Variants in ZNF616 observed in about 807,000 individuals in gnomAD.
The protein encoded by ZNF616 is zinc finger protein 616.
A neutral mutation model predicts 7.6 loss-of-function variants in ZNF616; 5 were observed. The ratio of observed to expected loss-of-function variants is 0.66; its 90% CI spans 0.34 to 1.38. ZNF616 has a LOEUF of 1.38. ZNF616 is among the 40% of genes most tolerant of loss of function. The pLI is 0.04. For missense variants in ZNF616, 913 were observed against 948.3 expected (o/e 0.96, Z 0.49); for synonymous variants, 319 against 317.2 (o/e 1.01, Z -0.06).
intron 1 of ZNF616, among the ~76,000 whole-genome samples, chr19:52,136,094 C>A (rs2089004362): frequency 1.4e-5 from 2 of 140,334 alleles, no homozygotes; most frequent in African/African-American, 2.7e-5. Context: ...GGCGCCCCTG[C>A]ACTCCAGTCT....
Position 52,121,490 on chromosome 19 carries a change from A to G in ZNF616, c.139+2433T>C, listed in dbSNP as rs189880220. Among the ~76,000 whole-genome samples the G allele has an allele frequency of 4.6e-5, 7 of 152,366 alleles. No individual in the cohort carries two copies. In the East Asian group the frequency reaches 5.8e-4, roughly 13 times the overall value. The stretch of plus-strand genomic sequence containing the variant: ...TCAAAACAAAGGAAAATGAAAATAG[A>G]ACATGCCAAAACTTATGTATGCACA... On this transcript the variant is annotated intron_variant, in intron 3 of 3. Coordinates refer to ENST00000600228, the MANE Select transcript of ZNF616 (RefSeq NM_178523.5).
At position 52,115,581 on chromosome 19, in the gene ZNF616, T is replaced by C. The variant is rs1464438691; in HGVS notation, c.1583A>G (p.Lys528Arg). 1 of 1,614,212 alleles carries C rather than the reference T, an allele frequency of 6.2e-7. No homozygotes were observed. Among genetic ancestry groups the C allele is most frequent in the South Asian group, 1.1e-5 (1 of 91,088 alleles). The change falls in exon 4 of 4, where the codon AAG (lysine) becomes AGG (arginine). Residue 528 changes from lysine (K) to arginine (R), a missense_variant. Coordinates refer to ENST00000600228, the MANE Select transcript of ZNF616 (RefSeq NM_178523.5). ...EKPYKCKECG[K>R]VFSDRSAFAR... ...AAAAGCTGAACGGTCACTGAAGACC[T>C]TGCCACATTCTTTGCATTTGTAAGG...
intron 2 of ZNF616, among the ~76,000 whole-genome samples, chr19:52,127,708 C>T (rs963658052): frequency 3.3e-5 from 5 of 152,106 alleles, no homozygotes; most frequent in Non-Finnish European, 5.9e-5. Context: ...CTGAAGGAAC[C>T]CTCAAACACC....
Position 52,115,597 on chromosome 19 carries a change from A to G in ZNF616, c.1567T>C (p.Cys523Arg). ...CTGAAGACCTTGCCACATTCTTTGCATTTGTAAGGTTTCTCTCCAGTATGA... is the reference window on the plus strand; with the variant it reads ...CTGAAGACCTTGCCACATTCTTTGCGTTTGTAAGGTTTCTCTCCAGTATGA... ...RIHTGEKPYK[C>R]KECGKVFSDR... The change falls in exon 4 of 4, where the codon TGC (cysteine) becomes CGC (arginine). Residue 523 changes from cysteine to arginine, a missense_variant. Physicochemically the swap from Cys to Arg is radical, Grantham distance 180 (BLOSUM62 -3). Transcript: ENST00000600228. 2 of 1,613,936 alleles carry G rather than the reference A, an allele frequency of 1.2e-6. No individual in the cohort carries two copies. Among genetic ancestry groups the G allele is most frequent in the Non-Finnish European group, 8.5e-7 (1 of 1,179,980 alleles).
At chr19:52,127,505 C>T (rs942218830) in intron 2 of ZNF616, among the ~76,000 whole-genome samples, 20 of 152,050 alleles carry the variant, frequency 1.3e-4, no homozygotes, top group Non-Finnish European at 2.6e-4. Context: ...TAATCTACAA[C>T]AAGATATACA....
intron 1 of ZNF616, among the ~76,000 whole-genome samples, chr19:52,137,029 G>A (rs2089015324): frequency 6.9e-6 from 1 of 145,236 alleles, no homozygotes. Flanking sequence ...AAGAAAATGT[G>A]TGTGTATATA....
Position 52,114,750 on chromosome 19 carries a change from A to C in ZNF616, c.*68T>G, listed in dbSNP as rs2088799756. ...ACAATTCCACAGGGATTTCAAGAGA[A>C]GGGGTAAATATACAAGGTATATCAG... On this transcript the variant is annotated 3_prime_UTR_variant, in exon 4 of 4. Coordinates refer to ENST00000600228, the MANE Select transcript of ZNF616 (RefSeq NM_178523.5). 1.3e-6 allele frequency: 2 copies of C among 1,489,426 alleles called. No individual in the cohort carries two copies. Among genetic ancestry groups the C allele is most frequent in the East Asian group, 4.6e-5 (2 of 43,848 alleles). The allele number at this position is 1,489,426 out of a possible 1,614,324, so 92.3% of individuals were successfully genotyped here.
intron 2 of ZNF616, among the ~76,000 whole-genome samples, chr19:52,129,485 AGC>A (rs2088939026): frequency 6.6e-6 from 1 of 152,194 alleles, no homozygotes; most frequent in Non-Finnish European, 1.5e-5. Flanking sequence ...ACAAATGTTC[AGC>A]TCTTACATCT....
intron 3 of ZNF616, 36 bp from the exon 4 acceptor site, chr19:52,117,060 C>T (rs947100424): frequency 6.0e-6 from 9 of 1,502,774 alleles, no homozygotes; most frequent in African/African-American, 5.6e-5. Flanking sequence ...TTTTTTTAAA[C>T]TACTACTATT....
chr19:52,137,203 G>A (rs1489024365), intron 1 of ZNF616, among the ~76,000 whole-genome samples: 3 of 151,666 alleles, frequency 2.0e-5, no homozygotes, highest in African/African-American at 7.3e-5. Context: ...TGGATCATGA[G>A]GTCAGGAGAT....
rs149767372 is a variant in ZNF616, at chr19:52,130,970, A to G, written c.-76-382T>C. ...GGCTGGAAGCTCAATGCTGGATACA[A>G]ATGAGAATCAACTTGGGGCTGGGAG... On this transcript the variant is annotated intron_variant, in intron 1 of 3. Transcript: ENST00000600228. Among the ~76,000 whole-genome samples the G allele has an allele frequency of 9.8e-5, 15 of 152,316 alleles. No individual in the cohort carries two copies. In the East Asian group the frequency reaches 2.7e-3, roughly 27 times the overall value.
At chr19:52,120,292 T>C (rs917544605) in intron 3 of ZNF616, among the ~76,000 whole-genome samples, 4 of 152,130 alleles carry the variant, frequency 2.6e-5, no homozygotes, top group Non-Finnish European at 5.9e-5. Context: ...TTTTCTGTAA[T>C]TGCAATGGTA....
rs867811935 is a variant in ZNF616 at position 52,116,334 on chromosome 19, G to A, written c.830C>T (p.Ser277Phe). ...TGCAAGGTGGGAACTTTTACTAAAG[G>A]ACTTGCCACATTCATTACATATGTA... ...KPYICNECGK[S>F]FSKSSHLAVH... is the part of the protein sequence containing the mutation. The change falls in exon 4 of 4, where the codon TCC becomes TTC. Residue 277 changes from serine (S) to phenylalanine (F), a missense_variant. Coordinates refer to ENST00000600228, the MANE Select transcript of ZNF616 (RefSeq NM_178523.5). 6.2e-7 allele frequency: 1 copy of A among 1,613,662 alleles called. No homozygotes were observed. Among genetic ancestry groups the A allele is most frequent in the Non-Finnish European group, 8.5e-7 (1 of 1,179,890 alleles).
rs1377970898 is a variant in ZNF616 at position 52,115,533 on chromosome 19, G to C, written c.1631C>G (p.Thr544Ser). The part of the protein sequence containing the change: ...SAFARHRRIH[T>S]GEKPYKCKEC... Reference sequence around the variant, plus strand: ...TTTGCATTTGTAAGGCTTCTCTCCAGTATGAATTCTCCGATGCCTTGCAAA... The same window carrying C: ...TTTGCATTTGTAAGGCTTCTCTCCACTATGAATTCTCCGATGCCTTGCAAA... The change falls in exon 4 of 4, where the codon ACT becomes AGT. Residue 544 changes from threonine (T) to serine (S), a missense_variant. Coordinates refer to ENST00000600228, the MANE Select transcript of ZNF616 (RefSeq NM_178523.5). The C allele has an allele frequency of 3.7e-6, 6 of 1,613,814 alleles. No homozygotes were observed. The South Asian group carries it at 5.5e-5, about 15-fold the overall frequency.
rs779590438 is a variant in ZNF616, at chr19:52,116,979, T to A, written c.185A>T (p.Asn62Ile). The change falls in exon 4 of 4, where the codon AAC becomes ATC. Residue 62 changes from asparagine (N) to isoleucine (I), a missense_variant. Asn to Ile is a moderately radical substitution (Grantham distance 149). Transcript: ENST00000600228. ...CVIKELPPTE[N>I]SNTGERFQTV... ...TTGGAACCTTTCTCCTGTATTACTG[T>A]TCTCTGTTGGTGGTAATTCCTTGAT... 1 of 1,603,738 alleles carries A rather than the reference T, an allele frequency of 6.2e-7. No homozygotes were observed. The highest frequency in any genetic ancestry group is 8.5e-7 in the Non-Finnish European group (1 of 1,177,016).
chr19:52,124,074 AAGAAGCAAT>A, intron 2 of ZNF616, 25 bp from the exon 3 acceptor site: 1 of 1,584,838 alleles, frequency 6.3e-7, no homozygotes, highest in Non-Finnish European at 8.5e-7. Flanking sequence ...ACATTTCAAA[AAGAAGCAAT>A]ATGAGAGCTC....
At chr19:52,130,849 G>A (rs1015776662) in intron 1 of ZNF616, among the ~76,000 whole-genome samples, 4 of 152,360 alleles carry the variant, frequency 2.6e-5, no homozygotes, top group African/African-American at 9.6e-5. Flanking sequence ...TTCAGGGCAC[G>A]GACCTATCCC....
intron 1 of ZNF616, among the ~76,000 whole-genome samples, chr19:52,133,408 T>C (rs73573167): frequency 0.066 from 10,116 of 152,184 alleles, 811 homozygotes; most frequent in African/African-American, 0.2. Flanking sequence ...CAATTTTTTT[T>C]CTCTTTTTAA....
chr19:52,116,772 ACATCCCCTTGACTATGTTGATCTCTT>A lies in ZNF616; in HGVS notation c.366_391del (p.Lys122AsnfsTer7). The A allele has an allele frequency of 6.2e-7, 1 of 1,614,148 alleles. No homozygotes were observed. The highest frequency in any genetic ancestry group is 1.1e-5 in the South Asian group (1 of 91,076). ...CTGGTTTTCAATATGATTGTTTTCT[ACATCCCCTTGACTATGTTGATCTCTT>A]TTACCAGTAAGATTGTTTTCATGGG... is the stretch of plus-strand genomic sequence containing the variant. On this transcript the variant is annotated frameshift_variant, in exon 4 of 4. Transcript: ENST00000600228. LOFTEE classifies it low-confidence loss of function (END_TRUNC).
Sources: allele counts gnomAD v4.1 joint callset (sites outside exome capture counted in the v4.1 genomes callset), GRCh38; gene constraint gnomAD v4.1.1; transcripts MANE v1.5; gene names NCBI Gene and HGNC (gene_info 2026-07-23, HGNC 2026-07-21).